SLC7A8: variants seen among roughly 807,000 people sequenced by gnomAD.
SLC7A8 encodes large neutral amino acids transporter small subunit 2.
Under a neutral mutation model 51.2 loss-of-function variants are expected in SLC7A8, and 30 were observed. That is an observed-to-expected ratio of 0.59 (90% CI 0.44 to 0.80). The LOEUF (loss-of-function observed/expected upper bound fraction) is 0.80. Ranked by LOEUF, SLC7A8 falls within the 30% of genes least tolerant of loss-of-function variation. SLC7A8 has a pLI of 0.00. For synonymous variants in SLC7A8, 257 were observed against 275.8 expected (o/e 0.93, Z 0.67); for missense variants, 612 against 674.4 (o/e 0.91, Z 1.03).
At chr14:23,139,652 C>T (rs1375018895) in intron 5 of SLC7A8, 105 bp from the exon 6 acceptor site, 5 of 1,378,706 alleles carry the variant, frequency 3.6e-6, no homozygotes, top group African/African-American at 2.9e-5. Flanking sequence ...TGTAGCCTTA[C>T]AGCCTTCTGT....
intron 3 of SLC7A8, among the ~76,000 whole-genome samples, chr14:23,151,769 A>T (rs888883028): frequency 1.5e-4 from 23 of 151,344 alleles, no homozygotes; most frequent in Non-Finnish European, 3.1e-4. Context: ...AAAAAAAAAA[A>T]AAGCAAAAAG....
chr14:23,180,196 G>A (rs71418270), intron 1 of SLC7A8, among the ~76,000 whole-genome samples: 52,112 of 152,118 alleles, frequency 0.34, 10,590 homozygotes, highest in Admixed American at 0.44. Flanking sequence ...GTGAGCCACC[G>A]CACCCGGCCC....
intron 9 of SLC7A8, 94 bp downstream of exon 9, chr14:23,129,556 G>T: frequency 7.1e-7 from 1 of 1,410,394 alleles, no homozygotes; most frequent in East Asian, 2.3e-5. Context: ...GATGACGTGT[G>T]GTCAGCAGCT....
intron 3 of SLC7A8, chr14:23,155,520 A>G (rs2048886466): frequency 7.4e-7 from 1 of 1,358,630 alleles, no homozygotes; most frequent in African/African-American, 1.5e-5. Context: ...AGAGCTGAGT[A>G]GTTCTCTCTT....
At chr14:23,179,444 T>A (rs1317639351) in intron 1 of SLC7A8, among the ~76,000 whole-genome samples, 1 of 151,806 alleles carries the variant, frequency 6.6e-6, no homozygotes, top group Non-Finnish European at 1.5e-5. Flanking sequence ...AAATTATCCC[T>A]CTTAGTCAGT....
intron 7 of SLC7A8, among the ~76,000 whole-genome samples, chr14:23,136,518 G>A (rs565736358): frequency 2.7e-4 from 41 of 152,154 alleles, no homozygotes; most frequent in Non-Finnish European, 5.3e-4. Flanking sequence ...TCTTCAGGAA[G>A]GATCATCCTC....
At chr14:23,154,600 C>A (rs1482510913) in intron 3 of SLC7A8, 2 of 497,020 alleles carry the variant, frequency 4.0e-6, no homozygotes, top group African/African-American at 4.2e-5. Flanking sequence ...TAAGCAGTGC[C>A]GGCTGCCAAA....
At chr14:23,153,761 G>A (rs1320293528) in intron 3 of SLC7A8, among the ~76,000 whole-genome samples, 1 of 152,078 alleles carries the variant, frequency 6.6e-6, no homozygotes, top group East Asian at 1.9e-4. Context: ...GGATTTCTCG[G>A]TCTCGCTGGC....
intron 1 of SLC7A8, among the ~76,000 whole-genome samples, chr14:23,168,496 T>A (rs2048961058): frequency 6.6e-6 from 1 of 152,160 alleles, no homozygotes. Flanking sequence ...AAAAGAGCGA[T>A]CCATAGGGAA....
In SLC7A8 at chr14:23,160,658, C is replaced by G. The variant is rs888561501; in HGVS notation, c.508+4627G>C. Among the ~76,000 whole-genome samples the G allele has an allele frequency of 4.0e-5, 6 of 151,762 alleles. No homozygotes were observed. The South Asian group carries it at 1.2e-3, about 32-fold the overall frequency. ...CCAGAGTTGTACAGTAATAGATGCA[C>G]TTTATTTAGAACTATCCACTAGGAC... On this transcript the variant is annotated intron_variant, in intron 3 of 10. Coordinates refer to ENST00000316902, the MANE Select transcript of SLC7A8 (RefSeq NM_012244.4).
At position 23,183,020 on chromosome 14, in the gene SLC7A8, T is replaced by TA. The variant is rs1278398900; in HGVS notation, c.-107dup. 9 of 1,394,984 alleles carry TA rather than the reference T, an allele frequency of 6.5e-6. No homozygotes were observed. Among genetic ancestry groups the TA allele is most frequent in the Non-Finnish European group, 9.0e-6 (9 of 997,112 alleles). The allele number at this position is 1,394,984 out of a possible 1,614,324, so 86.4% of individuals were successfully genotyped here. On this transcript the variant is annotated 5_prime_UTR_variant, in exon 1 of 11. Coordinates refer to ENST00000316902, the MANE Select transcript of SLC7A8 (RefSeq NM_012244.4). ...TGAATTAGAACGTCCTTTTCCGAAATAGGAACCACTGCTACTCTCTAAAAA... is the reference window on the plus strand; with the variant it reads ...TGAATTAGAACGTCCTTTTCCGAAATAAGGAACCACTGCTACTCTCTAAAAA...
intron 1 of SLC7A8, among the ~76,000 whole-genome samples, chr14:23,170,039 C>T (rs2048968432): frequency 1.3e-5 from 2 of 152,166 alleles, no homozygotes; most frequent in African/African-American, 4.8e-5. Flanking sequence ...CCTTCTATTG[C>T]AGTACCACCT....
At chr14:23,163,321 C>T (rs2048933557) in intron 3 of SLC7A8, among the ~76,000 whole-genome samples, 1 of 152,198 alleles carries the variant, frequency 6.6e-6, no homozygotes, top group Admixed American at 6.5e-5. Context: ...CCAGCACTCA[C>T]CACTGCAGTT....
chr14:23,173,700 T>G (rs2048986034), intron 1 of SLC7A8, among the ~76,000 whole-genome samples: 1 of 152,064 alleles, frequency 6.6e-6, no homozygotes. Flanking sequence ...CAGGCTGGAG[T>G]GCACAATCAC....
intron 3 of SLC7A8, among the ~76,000 whole-genome samples, chr14:23,155,632 A>G (rs2048887331): frequency 6.6e-6 from 1 of 151,982 alleles, no homozygotes; most frequent in Non-Finnish European, 1.5e-5. Context: ...ACCCTGGGGA[A>G]CCCTATTTTA....
rs1423564722 is a variant in SLC7A8, at chr14:23,129,690, A to T, written c.1223T>A (p.Val408Asp). The T allele has an allele frequency of 6.2e-7, 1 of 1,614,198 alleles. No homozygotes were observed. The highest frequency in any genetic ancestry group is 8.5e-7 in the Non-Finnish European group (1 of 1,180,030). The change falls in exon 9 of 11, where the codon GTC becomes GAC. Residue 408 changes from valine to aspartate, a missense_variant. Val to Asp is a radical substitution (Grantham distance 152). Coordinates refer to ENST00000316902, the MANE Select transcript of SLC7A8 (RefSeq NM_012244.4). ...FYGVTVAGQI[V>D]LRWKKPDIPR... is the part of the protein sequence containing the mutation. ...GATATCAGGCTTCTTCCAGCGAAGGACTATCTGTCCAGCAACCGTGACCCC... is the reference window on the plus strand; with the variant it reads ...GATATCAGGCTTCTTCCAGCGAAGGTCTATCTGTCCAGCAACCGTGACCCC...
At chr14:23,169,151 C>T (rs1490509163) in intron 1 of SLC7A8, among the ~76,000 whole-genome samples, 1 of 152,134 alleles carries the variant, frequency 6.6e-6, no homozygotes, top group Non-Finnish European at 1.5e-5. Context: ...GAGTTCGACA[C>T]CAGCCTGGGC....
intron 10 of SLC7A8, 36 bp from the exon 11 acceptor site, chr14:23,127,379 C>T: frequency 6.2e-7 from 1 of 1,605,428 alleles, no homozygotes; most frequent in Non-Finnish European, 8.5e-7. Flanking sequence ...CAGGCCAATG[C>T]TGAGTATCCC....
rs57347212 is a variant in SLC7A8, at chr14:23,130,129, A to G, written c.1114-330T>C. 889 of 243,228 alleles carry G rather than the reference A, an allele frequency of 3.7e-3. 7 individuals carry two copies. The highest frequency in any genetic ancestry group is 0.02 in the African/African-American group (863 of 44,224). The allele number at this position is 243,228 out of a possible 1,614,324, so 15.1% of individuals were successfully genotyped here. A position where few individuals can be genotyped will look rare whatever the true frequency, so the allele number is the denominator to read the frequency against. ...CTGTGTCAGCCCCGGTCTCATTTGT[A>G]TGCCTCTGTTGGTTATAGCTCAAGC... On this transcript the variant is annotated intron_variant, in intron 8 of 10. Transcript: ENST00000316902.
Sources: allele counts gnomAD v4.1 joint callset (sites outside exome capture counted in the v4.1 genomes callset), GRCh38; gene constraint gnomAD v4.1.1; transcripts MANE v1.5; gene names NCBI Gene and HGNC (gene_info 2026-07-23, HGNC 2026-07-21).